The following ULK4 variants were observed in gnomAD, a reference collection of about 807,000 sequenced individuals.
ULK4 encodes unc-51 like kinase 4, also known as inactive serine/threonine-protein kinase ULK4.
ULK4 carries 133 observed loss-of-function variants against 160.6 expected under a neutral mutation model. The ratio of observed to expected loss-of-function variants is 0.83; its 90% CI spans 0.72 to 0.96. The LOEUF is 0.96. ULK4 is among the 40% of genes least tolerant of loss of function. ULK4 has a pLI of 0.00. For synonymous variants in ULK4, 534 were observed against 539.8 expected (o/e 0.99, Z 0.15); for missense variants, 1,580 against 1,499.5 (o/e 1.05, Z -0.89).
chr3:41,524,841 G>C (rs1290433195), intron 32 of ULK4, among the ~76,000 whole-genome samples: 1 of 152,172 alleles, frequency 6.6e-6, no homozygotes, highest in Non-Finnish European at 1.5e-5. Context: ...GGGAAGCTGA[G>C]GCAGGGGAAT....
chr3:41,493,646 T>C (rs1455405491), intron 32 of ULK4, among the ~76,000 whole-genome samples: 1 of 147,466 alleles, frequency 6.8e-6, no homozygotes, highest in East Asian at 1.9e-4. Flanking sequence ...AGGAGCTGGT[T>C]TTTTGAAAGG....
intron 34 of ULK4, among the ~76,000 whole-genome samples, chr3:41,433,964 C>G (rs967751837): frequency 4.6e-5 from 7 of 152,254 alleles, no homozygotes; most frequent in African/African-American, 9.6e-5. Flanking sequence ...CCTCGTGATC[C>G]GCCCGCCTTG....
chr3:41,455,679 G>A, intron 33 of ULK4, 84 bp from the exon 34 acceptor site: 1 of 1,200,108 alleles, frequency 8.3e-7, no homozygotes, highest in Non-Finnish European at 1.2e-6. Flanking sequence ...CCATCGGGCA[G>A]ACACAAGGGG....
intron 31 of ULK4, among the ~76,000 whole-genome samples, chr3:41,601,027 G>A (rs766916391): frequency 6.6e-6 from 1 of 152,056 alleles, no homozygotes; most frequent in African/African-American, 2.4e-5. Context: ...TTTAAAAAAC[G>A]AATAAGATGT....
chr3:41,670,966 A>T (rs139413616), intron 29 of ULK4, among the ~76,000 whole-genome samples: 8 of 152,200 alleles, frequency 5.3e-5, no homozygotes, highest in African/African-American at 1.9e-4. Flanking sequence ...CACTGTACCT[A>T]AATGTGCCAA....
chr3:41,431,435 A>C (rs2082904862), intron 34 of ULK4, among the ~76,000 whole-genome samples: 1 of 150,600 alleles, frequency 6.6e-6, no homozygotes, highest in African/African-American at 2.4e-5. Flanking sequence ...AGATAAAAGC[A>C]AACATCCTAG....
At chr3:41,861,365 G>A (rs2042493778) in intron 17 of ULK4, among the ~76,000 whole-genome samples, 1 of 152,082 alleles carries the variant, frequency 6.6e-6, no homozygotes, top group African/African-American at 2.4e-5. Context: ...TTGTTTGTCT[G>A]GGAGAGTCTT....
intron 17 of ULK4, among the ~76,000 whole-genome samples, chr3:41,869,666 C>A (rs913302169): frequency 1.3e-5 from 2 of 152,174 alleles, no homozygotes; most frequent in Non-Finnish European, 2.9e-5. Context: ...TTAAACACTT[C>A]CGCATGTGTT....
intron 29 of ULK4, among the ~76,000 whole-genome samples, chr3:41,674,668 G>A (rs1460708221): frequency 6.6e-6 from 1 of 152,174 alleles, no homozygotes; most frequent in African/African-American, 2.4e-5. Flanking sequence ...AGACTACCAT[G>A]GCCAGTATCA....
intron 30 of ULK4, among the ~76,000 whole-genome samples, chr3:41,629,827 T>TAA (rs59918364): frequency 1.2e-3 from 180 of 147,326 alleles, no homozygotes; most frequent in African/African-American, 4.0e-3. Context: ...CTGGTCTCTA[T>TAA]AAAAAAAAAA....
chr3:41,703,225 T>A (rs1184870729), intron 27 of ULK4, among the ~76,000 whole-genome samples: 1 of 78,456 alleles, frequency 1.3e-5, no homozygotes, highest in Admixed American at 1.7e-4. Context: ...ACGGAACAGC[T>A]GCAAAATATG....
intron 17 of ULK4, among the ~76,000 whole-genome samples, chr3:41,844,730 A>AGCGGAGCT: frequency 6.6e-6 from 1 of 151,806 alleles, no homozygotes; most frequent in Non-Finnish European, 1.5e-5. Flanking sequence ...TCACCTCTCA[A>AGCGGAGCT]TACGTTGCTG....
intron 20 of ULK4, among the ~76,000 whole-genome samples, chr3:41,791,511 A>T (rs1426264913): frequency 2.0e-5 from 3 of 152,216 alleles, no homozygotes; most frequent in African/African-American, 7.2e-5. Context: ...AGGAAAATCT[A>T]GGACTTTTTC....
chr3:41,337,584 TGCAC>T (rs1480687066), intron 35 of ULK4, among the ~76,000 whole-genome samples: 1 of 152,144 alleles, frequency 6.6e-6, no homozygotes, highest in African/African-American at 2.4e-5. Context: ...AGCACATGCA[TGCAC>T]ATATATATAG....
intron 32 of ULK4, among the ~76,000 whole-genome samples, chr3:41,466,137 T>C (rs1187118993): frequency 2.0e-5 from 3 of 152,186 alleles, no homozygotes; most frequent in African/African-American, 7.2e-5. Flanking sequence ...TATCCTTGCT[T>C]CTGCTATAAT....
chr3:41,817,708 C>T (rs2041017812), intron 19 of ULK4, among the ~76,000 whole-genome samples: 3 of 152,014 alleles, frequency 2.0e-5, no homozygotes, highest in South Asian at 4.2e-4. Context: ...CAGTCATAAC[C>T]CCAAACCACA....
At chr3:41,309,353 G>T (rs112089038) in intron 35 of ULK4, among the ~76,000 whole-genome samples, 19 of 152,118 alleles carry the variant, frequency 1.2e-4, no homozygotes, top group African/African-American at 4.1e-4. Context: ...AAGGGATGGG[G>T]TCTCCCTATG....
At chr3:41,474,821 T>TAAAAAA (rs34840621) in intron 32 of ULK4, among the ~76,000 whole-genome samples, 88 of 140,858 alleles carry the variant, frequency 6.2e-4, no homozygotes, top group African/African-American at 2.3e-3. Context: ...TGATTATTAT[T>TAAAAAA]AAAAAAAAAA....
At chr3:41,460,062 G>T (rs1241588092) in intron 33 of ULK4, among the ~76,000 whole-genome samples, 1 of 152,142 alleles carries the variant, frequency 6.6e-6, no homozygotes, top group Non-Finnish European at 1.5e-5. Flanking sequence ...AATCAAGTTG[G>T]ATAATTATAA....
Sources: allele counts gnomAD v4.1 joint callset (sites outside exome capture counted in the v4.1 genomes callset), GRCh38; gene constraint gnomAD v4.1.1; transcripts MANE v1.5; gene names NCBI Gene and HGNC (gene_info 2026-07-23, HGNC 2026-07-21).